UBA3: variants seen among roughly 807,000 people sequenced by gnomAD.
UBA3 encodes the protein ubiquitin like modifier activating enzyme 3.
A neutral mutation model predicts 73.5 loss-of-function variants in UBA3; 26 were observed. The ratio of observed to expected loss-of-function variants is 0.35; its 90% CI spans 0.26 to 0.49. UBA3 has a LOEUF of 0.49. Ranked by LOEUF, UBA3 falls within the 20% of genes least tolerant of loss-of-function variation. The probability of loss-of-function intolerance (pLI) is 0.98; values close to 1 mark genes in which losing one functional copy is unlikely to be tolerated. For synonymous variants in UBA3, 217 were observed against 191.2 expected (o/e 1.13, Z -1.11); for missense variants, 495 against 555.6 (o/e 0.89, Z 1.10).
chr3:69,078,252 C>CA (rs1264239818), intron 2 of UBA3, among the ~76,000 whole-genome samples: 11 of 151,528 alleles, frequency 7.3e-5, no homozygotes, highest in Non-Finnish European at 1.3e-4. Context: ...TTGGTATTTA[C>CA]AAAAAAAACA....
intron 5 of UBA3, among the ~76,000 whole-genome samples, chr3:69,069,416 C>A (rs2107494281): frequency 6.6e-6 from 1 of 152,264 alleles, no homozygotes; most frequent in South Asian, 2.1e-4. Context: ...TAACCTCTGC[C>A]TCCCAGATTC....
chr3:69,064,219 A>C, intron 6 of UBA3, 108 bp from the exon 7 acceptor site: 1 of 844,528 alleles, frequency 1.2e-6, no homozygotes. Flanking sequence ...GAAATAAGTA[A>C]TCAATGTTCA....
chr3:69,063,002 G>A lies in UBA3; in HGVS notation c.673C>T (p.Leu225=). The A allele has an allele frequency of 6.2e-7, 1 of 1,613,988 alleles. No individual in the cohort carries two copies. Among genetic ancestry groups the A allele is most frequent in the Non-Finnish European group, 8.5e-7 (1 of 1,179,952 alleles). ...PGMTACIECT[L]ELYPPQVNFP... Reference sequence around the variant, plus strand: ...ATTACCTGTGGTGGATAAAGTTCCAGCGTGCATTCGATACAAGCAGTCATT... The same window carrying A: ...ATTACCTGTGGTGGATAAAGTTCCAACGTGCATTCGATACAAGCAGTCATT... The change falls in exon 9 of 18, where the codon CTG becomes TTG. Residue 225 remains leucine (L), a synonymous_variant. Transcript: ENST00000361055.
chr3:69,058,458 C>A (rs1559640956), intron 11 of UBA3, among the ~76,000 whole-genome samples: 1 of 152,112 alleles, frequency 6.6e-6, no homozygotes, highest in Non-Finnish European at 1.5e-5. Flanking sequence ...GCTAAGAAGA[C>A]ATGAAAGAAA....
At position 69,056,709 on chromosome 3, in the gene UBA3, G is replaced by C; in HGVS notation, c.1002-16C>G. On this transcript the variant is annotated splice_polypyrimidine_tract_variant and intron_variant, in intron 13 of 17. Coordinates refer to ENST00000361055, the MANE Select transcript of UBA3 (RefSeq NM_003968.4). ...AATGTATGCACTGTAATGAAAAAAT[G>C]TTCATCTTTATATAATTAAACCAAG... 6.2e-7 allele frequency: 1 copy of C among 1,611,484 alleles called. No individual in the cohort carries two copies. The highest frequency in any genetic ancestry group is 8.5e-7 in the Non-Finnish European group (1 of 1,178,666).
At position 69,061,944 on chromosome 3, in the gene UBA3, A is replaced by AGG; in HGVS notation, c.797-19_797-18dup. 7.0e-7 allele frequency: 1 copy of AGG among 1,436,262 alleles called. No homozygotes were observed. The highest frequency in any genetic ancestry group is 9.6e-7 in the Non-Finnish European group (1 of 1,042,662). The allele number at this position is 1,436,262 out of a possible 1,614,324, so 89.0% of individuals were successfully genotyped here. A position where few individuals can be genotyped will look rare whatever the true frequency, so the allele number is the denominator to read the frequency against. ...GAACCCCTTCTGTTTAAAAAAAAAAAGGGAGAGAGAGAGAGAGAGAAGACA... is the reference window on the plus strand; with the variant it reads ...GAACCCCTTCTGTTTAAAAAAAAAAAGGGGGAGAGAGAGAGAGAGAGAAGACA... On this transcript the variant is annotated splice_polypyrimidine_tract_variant and intron_variant, in intron 10 of 17. Transcript: ENST00000361055.
chr3:69,056,084 G>A (rs1295278453), intron 15 of UBA3, 21 bp from the exon 16 acceptor site: 1 of 1,581,968 alleles, frequency 6.3e-7, no homozygotes, highest in Admixed American at 1.9e-5. Flanking sequence ...TGATGAGAGA[G>A]AAGTATCAAA....
At chr3:69,077,977 A>T in intron 2 of UBA3, 59 bp from the exon 3 acceptor site, 1 of 1,592,434 alleles carries the variant, frequency 6.3e-7, no homozygotes, top group East Asian at 2.3e-5. Flanking sequence ...CCACACCTAC[A>T]ACTATTATGG....
intron 12 of UBA3, among the ~76,000 whole-genome samples, chr3:69,057,040 G>A (rs959104806): frequency 1.3e-5 from 2 of 152,146 alleles, no homozygotes; most frequent in Non-Finnish European, 2.9e-5. Context: ...TAAATGGCCT[G>A]CTTCATATGG....
chr3:69,070,196 T>A (rs2092110150), intron 5 of UBA3, among the ~76,000 whole-genome samples: 1 of 152,158 alleles, frequency 6.6e-6, no homozygotes, highest in Non-Finnish European at 1.5e-5. Flanking sequence ...AACTCAAAAT[T>A]TGACAAGCTG....
chr3:69,063,175 GA>G (rs1253198905), intron 8 of UBA3, 38 bp from the exon 9 acceptor site: 11 of 1,606,128 alleles, frequency 6.8e-6, no homozygotes, highest in African/African-American at 6.7e-5. Context: ...AGGAGAAGGG[GA>G]TAAGAATTCA....
chr3:69,078,865 T>G (rs977024372), intron 2 of UBA3, among the ~76,000 whole-genome samples: 2 of 152,214 alleles, frequency 1.3e-5, no homozygotes, highest in Non-Finnish European at 2.9e-5. Context: ...ACGCCACAGA[T>G]AGACATCTAC....
chr3:69,077,569 G>A, intron 3 of UBA3: 2 of 412,640 alleles, frequency 4.8e-6, no homozygotes, highest in South Asian at 6.6e-5. Context: ...CATGAAGTTA[G>A]ATTTTTCTCA....
intron 11 of UBA3, chr3:69,061,591 G>C: frequency 2.4e-6 from 1 of 419,174 alleles, no homozygotes; most frequent in Non-Finnish European, 4.3e-6. Context: ...TTCAGTGGAA[G>C]ATAAAATGGA....
intron 6 of UBA3, among the ~76,000 whole-genome samples, 187 bp from the exon 7 acceptor site, chr3:69,064,298 T>C (rs2092048710): frequency 6.6e-6 from 1 of 152,196 alleles, no homozygotes; most frequent in Non-Finnish European, 1.5e-5. Flanking sequence ...TTTTCTGCCA[T>C]TCCTCCCCTA....
At chr3:69,064,870 GATAA>G (rs1192457308) in intron 6 of UBA3, among the ~76,000 whole-genome samples, 2 of 152,052 alleles carry the variant, frequency 1.3e-5, no homozygotes, top group Non-Finnish European at 2.9e-5. Context: ...CTAAAGTTAA[GATAA>G]ATAGTCCACT....
Position 69,075,442 on chromosome 3 carries a change from G to T in UBA3, c.252C>A (p.Leu84=). The change falls in exon 4 of 18, where the codon CTC becomes CTA. Residue 84 remains leucine (L), a synonymous_variant. Coordinates refer to ENST00000361055, the MANE Select transcript of UBA3 (RefSeq NM_003968.4). The stretch of plus-strand genomic sequence containing the variant: ...GTATATATATTACCAGATTTTTCAG[G>T]AGCTCACATCCTAAGCCGCCAGCTC... ...VIGAGGLGCE[L]LKNLALSGFR... is the part of the protein sequence containing the mutation. 6.5e-7 allele frequency: 1 copy of T among 1,536,904 alleles called. No homozygotes were observed. Among genetic ancestry groups the T allele is most frequent in the Non-Finnish European group, 8.7e-7 (1 of 1,144,948 alleles).
intron 6 of UBA3, 110 bp from the exon 7 acceptor site, chr3:69,064,221 C>A (rs2092047985): frequency 1.2e-6 from 1 of 818,458 alleles, no homozygotes; most frequent in Non-Finnish European, 1.9e-6. Flanking sequence ...AATAAGTAAT[C>A]AATGTTCACA....
intron 2 of UBA3, chr3:69,079,756 C>A: frequency 3.4e-6 from 1 of 293,944 alleles, no homozygotes; most frequent in Non-Finnish European, 6.3e-6. Flanking sequence ...TGTCCTTTTC[C>A]TGTGTGTTTA....
Sources: allele counts gnomAD v4.1 joint callset (sites outside exome capture counted in the v4.1 genomes callset), GRCh38; gene constraint gnomAD v4.1.1; transcripts MANE v1.5; gene names NCBI Gene and HGNC (gene_info 2026-07-23, HGNC 2026-07-21).